The following RDH10 variants were observed in gnomAD, a reference collection of about 807,000 sequenced individuals.
RDH10 encodes retinol dehydrogenase 10, also known as retinol dehydrogenase 10 (all-trans).
In RDH10, 12 loss-of-function variants were observed where a neutral mutation model predicts 30.2. The observed-to-expected ratio is 0.40, with a 90% confidence interval of 0.25 to 0.64. The LOEUF is 0.64. RDH10 is among the 30% of genes least tolerant of loss of function. The pLI is 0.43. For synonymous variants in RDH10, 189 were observed against 172.2 expected (o/e 1.10, Z -0.76); for missense variants, 268 against 445.2 (o/e 0.60, Z 3.58).
At chr8:73,322,571 C>A in intron 4 of RDH10, 108 bp from the exon 5 acceptor site, 1 of 944,276 alleles carries the variant, frequency 1.1e-6, no homozygotes, top group Non-Finnish European at 1.6e-6. Context: ...CAAAATGTAC[C>A]CAAAATCCCA....
chr8:73,322,517 T>C (rs1814789162), intron 4 of RDH10, 162 bp from the exon 5 acceptor site: 3 of 653,486 alleles, frequency 4.6e-6, no homozygotes, highest in Non-Finnish European at 7.6e-6. Context: ...AATGTGTTCA[T>C]AGCAGGAAAA....
In RDH10 at chr8:73,323,154, ATC is replaced by A; in HGVS notation, c.*119_*120del. On this transcript the variant is annotated 3_prime_UTR_variant, in exon 6 of 6. Transcript: ENST00000240285. The stretch of plus-strand genomic sequence containing the variant: ...TAAACTTGTGTTGTTTCTTTTTTAA[ATC>A]AACTTTTTAAAAAAATAAAGTGTAA... The A allele has an allele frequency of 3.5e-6, 3 of 853,172 alleles. No homozygotes were observed. The highest frequency in any genetic ancestry group is 3.4e-5 in the African/African-American group (2 of 58,624). 52.9% of individuals were successfully genotyped at this position (853,172 alleles called of 1,614,324 possible). A position where few individuals can be genotyped will look rare whatever the true frequency, so the allele number is the denominator to read the frequency against.
At chr8:73,308,908 C>G (rs1184256485) in intron 2 of RDH10, among the ~76,000 whole-genome samples, 4 of 152,192 alleles carry the variant, frequency 2.6e-5, no homozygotes, top group African/African-American at 9.7e-5. Context: ...CACTCTAGAA[C>G]CTTCTTCTCG....
chr8:73,294,945 G>A lies in RDH10; in HGVS notation c.-345G>A, dbSNP rs1168804007. The A allele has an allele frequency of 2.3e-5, 9 of 393,564 alleles. No homozygotes were observed. Among genetic ancestry groups the A allele is most frequent in the Admixed American group, 4.4e-5 (1 of 22,516 alleles). The allele number at this position is 393,564 out of a possible 1,614,324, so 24.4% of individuals were successfully genotyped here. A position where few individuals can be genotyped will look rare whatever the true frequency, so the allele number is the denominator to read the frequency against. On this transcript the variant is annotated 5_prime_UTR_variant, in exon 1 of 6. Transcript: ENST00000240285. ...CGGCAGCAGCTTGGCCATGAGGGCA[G>A]TTCGAGTAGTCTAACTCGCGGCTGT... is the stretch of plus-strand genomic sequence containing the variant.
At chr8:73,303,143 T>C (rs767948454) in intron 2 of RDH10, among the ~76,000 whole-genome samples, 17 of 152,228 alleles carry the variant, frequency 1.1e-4, no homozygotes, top group Admixed American at 4.6e-4. Flanking sequence ...TATATCCAAA[T>C]GTCTAAAGTC....
intron 2 of RDH10, among the ~76,000 whole-genome samples, chr8:73,317,443 G>GT (rs1814692744): frequency 6.6e-6 from 1 of 152,050 alleles, no homozygotes; most frequent in African/African-American, 2.4e-5. Context: ...CATTTCATGG[G>GT]TACTGATGAG....
chr8:73,312,546 T>G (rs577420579), intron 2 of RDH10: 1 of 152,336 alleles, frequency 6.6e-6, no homozygotes, highest in African/African-American at 2.4e-5. Context: ...AGGAGAGTGT[T>G]CCTTTGTGAT....
At chr8:73,297,987 T>A (rs953126512) in intron 2 of RDH10, 2 of 162,726 alleles carry the variant, frequency 1.2e-5, no homozygotes, top group Non-Finnish European at 2.7e-5. Context: ...CTCGCAAATA[T>A]CACCCTAATA....
At chr8:73,309,592 C>G (rs1419530758) in intron 2 of RDH10, among the ~76,000 whole-genome samples, 1 of 142,556 alleles carries the variant, frequency 7.0e-6, no homozygotes, top group Non-Finnish European at 1.5e-5. Flanking sequence ...AGTTTTGAGT[C>G]CATATTTAAG....
chr8:73,321,589 C>T (rs990695582), intron 4 of RDH10, among the ~76,000 whole-genome samples: 4 of 152,096 alleles, frequency 2.6e-5, no homozygotes, highest in African/African-American at 7.2e-5. Flanking sequence ...TGAGAAGAAC[C>T]ATTTAGATAT....
intron 4 of RDH10, chr8:73,321,620 A>G: frequency 2.8e-6 from 1 of 353,590 alleles, no homozygotes; most frequent in East Asian, 7.4e-5. Context: ...GAAATAAAAT[A>G]CCCACACACA....
intron 2 of RDH10, among the ~76,000 whole-genome samples, chr8:73,306,488 A>G (rs1814464724): frequency 6.6e-6 from 1 of 152,220 alleles, no homozygotes; most frequent in African/African-American, 2.4e-5. Flanking sequence ...CCACAGGGGG[A>G]AAAAATGAAT....
chr8:73,324,579 T>G lies in RDH10; in HGVS notation c.*1543T>G, dbSNP rs901000014. 1 of 152,394 alleles carries G rather than the reference T, an allele frequency of 6.6e-6. No individual in the cohort carries two copies. The highest frequency in any genetic ancestry group is 2.4e-5 in the African/African-American group (1 of 41,460). The allele number at this position is 152,394 out of a possible 1,614,324, so 9.4% of individuals were successfully genotyped here. On this transcript the variant is annotated 3_prime_UTR_variant, in exon 6 of 6. Coordinates refer to ENST00000240285, the MANE Select transcript of RDH10 (RefSeq NM_172037.5). The stretch of plus-strand genomic sequence containing the variant: ...ATTAACTTACATGCAATTGTGTGAT[T>G]ATTAGTTATCAGCAGTGTTGTAAGG...
chr8:73,321,002 A>G lies in RDH10; in HGVS notation c.695A>G (p.Glu232Gly), dbSNP rs920379933. The G allele has an allele frequency of 3.1e-6, 5 of 1,614,082 alleles. No individual in the cohort carries two copies. In the South Asian group the frequency reaches 4.4e-5, roughly 14 times the overall value. The change falls in exon 4 of 6, where the codon GAA becomes GGA. Residue 232 changes from glutamate to glycine, a missense_variant. Around this residue, in one of 4 missense-constraint regions of RDH10, gnomAD observed 136 missense variants for 288.8 expected, o/e 0.47. Transcript: ENST00000240285. Reference sequence around the variant, plus strand: ...CTGAGCCATGAACTAAAGGCTGCTGAAAAGGATGGAATTAAAACAACCTTG... The same window carrying G: ...CTGAGCCATGAACTAAAGGCTGCTGGAAAGGATGGAATTAAAACAACCTTG... ...ESLSHELKAA[E>G]KDGIKTTLVC...
At chr8:73,306,681 A>G (rs1814467560) in intron 2 of RDH10, among the ~76,000 whole-genome samples, 1 of 152,256 alleles carries the variant, frequency 6.6e-6, no homozygotes, top group African/African-American at 2.4e-5. Context: ...AAACTTTCAA[A>G]GATCACACAA....
chr8:73,322,888 A>C, intron 5 of RDH10, 25 bp from the exon 6 acceptor site: 1 of 1,613,978 alleles, frequency 6.2e-7, no homozygotes, highest in East Asian at 2.2e-5. Flanking sequence ...CAAGTTTGCT[A>C]ACAGCTGTGA....
At chr8:73,309,014 G>A (rs536792301) in intron 2 of RDH10, among the ~76,000 whole-genome samples, 209 of 152,160 alleles carry the variant, frequency 1.4e-3, no homozygotes, top group African/African-American at 4.8e-3. Context: ...ACGCATGTGC[G>A]CCAAAGTTTG....
In RDH10 at chr8:73,302,409, G is replaced by T. The variant is rs1244519354; in HGVS notation, c.525+4980G>T. 2.6e-5 allele frequency among the ~76,000 whole-genome samples: 4 copies of T among 152,286 alleles called. No individual in the cohort carries two copies. The East Asian group carries it at 7.7e-4, about 29-fold the overall frequency. ...CTTGAAAGATACCTCTCTTGGGCGG[G>T]GTGCAGTGACTCAAGCCTGTAATCC... On this transcript the variant is annotated intron_variant, in intron 2 of 5. Coordinates refer to ENST00000240285, the MANE Select transcript of RDH10 (RefSeq NM_172037.5).
intron 1 of RDH10, chr8:73,295,820 G>A: frequency 8.2e-7 from 1 of 1,223,342 alleles, no homozygotes; most frequent in South Asian, 2.6e-5. Context: ...CCACGGCGGG[G>A]GGAGGGGGCG....
Sources: gnomAD v4.1 joint callset for allele counts (sites outside exome capture counted in the v4.1 genomes callset) on GRCh38, gnomAD v4.1.1 for gene constraint, gnomAD v4.1.1 regional missense constraint, MANE v1.5 for transcripts, NCBI Gene and HGNC (gene_info 2026-07-23, HGNC 2026-07-21) for gene names.